CYP26C1: variants seen among roughly 807,000 people sequenced by gnomAD.
The protein encoded by CYP26C1 is cytochrome P450 26C1.
CYP26C1 carries 41 observed loss-of-function variants against 39.1 expected under a neutral mutation model. The ratio of observed to expected loss-of-function variants is 1.05; its 90% CI spans 0.82 to 1.36. The LOEUF is 1.36. Among genes scored for constraint, CYP26C1 ranks in the 40% most tolerant of loss-of-function variants. The probability of loss-of-function intolerance (pLI) is 0.00; values close to 1 mark genes in which losing one functional copy is unlikely to be tolerated. For missense variants in CYP26C1, 833 were observed against 752.0 expected, an observed-to-expected ratio of 1.11 and a Z score of -1.26; for synonymous variants, 362 against 350.8, an observed-to-expected ratio of 1.03 and a Z score of -0.36.
chr10:93,066,194 G>A lies in CYP26C1; in HGVS notation c.1100G>A (p.Arg367His). 2 of 1,472,962 alleles carry A rather than the reference G, an allele frequency of 1.4e-6. No individual in the cohort carries two copies. The highest frequency in any genetic ancestry group is 1.4e-5 in the South Asian group (1 of 72,854). 91.2% of individuals were successfully genotyped at this position (1,472,962 alleles called of 1,614,324 possible). Residue 367 changes from arginine to histidine, a missense_variant, in exon 5 of 6, where the codon CGC (arginine) becomes CAC (histidine). Arg to His is a conservative substitution (Grantham distance 29). Coordinates refer to ENST00000651965, the MANE Select transcript of CYP26C1 (RefSeq NM_183374.3). ...DLSLAALGRL[R>H]YVDCVVKEVL... ...AGCCTCGCGGCGCTGGGCCGTCTGCGCTACGTCGACTGCGTGGTCAAGGAG... is the reference window on the plus strand; with the variant it reads ...AGCCTCGCGGCGCTGGGCCGTCTGCACTACGTCGACTGCGTGGTCAAGGAG...
In CYP26C1 at chr10:93,060,866, G is replaced by A. The variant is rs539554085; in HGVS notation, c.-398G>A. 9.8e-5 allele frequency: 24 copies of A among 244,190 alleles called. No individual in the cohort carries two copies. Among genetic ancestry groups the A allele is most frequent in the Non-Finnish European group, 1.7e-4 (22 of 126,796 alleles). The allele number at this position is 244,190 out of a possible 1,614,324, so 15.1% of individuals were successfully genotyped here. A position where few individuals can be genotyped will look rare whatever the true frequency, so the allele number is the denominator to read the frequency against. ...CAGACCAGGTTGGCAACACTGGTGAGTTGCTCTTCTTTCGCCCTCCTTCCC... is the reference window on the plus strand; with the variant it reads ...CAGACCAGGTTGGCAACACTGGTGAATTGCTCTTCTTTCGCCCTCCTTCCC... On this transcript the variant is annotated 5_prime_UTR_variant, in exon 1 of 6. Coordinates refer to ENST00000651965, the MANE Select transcript of CYP26C1 (RefSeq NM_183374.3).
In CYP26C1 at chr10:93,066,117, C is replaced by A. The variant is rs1235069090; in HGVS notation, c.1023C>A (p.Ala341=). ...GCGCGTGCGGCTGCGCGCCCGGGGC[C>A]GCTGGGGGCAGCGAGGGGCCCCCGC... ...LGRACGCAPG[A]AGGSEGPPPD... Residue 341 remains alanine, a synonymous_variant, in exon 5 of 6, where the codon GCC becomes GCA. Coordinates refer to ENST00000651965, the MANE Select transcript of CYP26C1 (RefSeq NM_183374.3). 3 of 1,324,224 alleles carry A rather than the reference C, an allele frequency of 2.3e-6. No homozygotes were observed. The highest frequency in any genetic ancestry group is 2.9e-6 in the Non-Finnish European group (3 of 1,043,418). 82.0% of individuals were successfully genotyped at this position (1,324,224 alleles called of 1,614,324 possible).
In CYP26C1 at chr10:93,066,245, C is replaced by G; in HGVS notation, c.1151C>G (p.Ser384Cys). ...GTGCTGCGCCTCCTGCCGCCAGTGT[C>G]CGGGGGCTACCGCACCGCCCTGCGC... is the stretch of plus-strand genomic sequence containing the variant. Reference protein sequence around the residue: ...KEVLRLLPPVSGGYRTALRTF... With the variant: ...KEVLRLLPPVCGGYRTALRTF... The change falls in exon 5 of 6, where the codon TCC becomes TGC. Residue 384 changes from serine (S) to cysteine (C), a missense_variant. Coordinates refer to ENST00000651965, the MANE Select transcript of CYP26C1 (RefSeq NM_183374.3). 6.8e-7 allele frequency: 1 copy of G among 1,466,108 alleles called. No individual in the cohort carries two copies. The highest frequency in any genetic ancestry group is 9.0e-7 in the Non-Finnish European group (1 of 1,111,960). The allele number at this position is 1,466,108 out of a possible 1,614,324, so 90.8% of individuals were successfully genotyped here.
chr10:93,065,351 C>T (rs55661575), intron 4 of CYP26C1, among the ~76,000 whole-genome samples: 13,441 of 152,276 alleles, frequency 0.088, 641 homozygotes, highest in Admixed American at 0.15. Context: ...CAGAGCAGAC[C>T]AAGAAGACAT....
chr10:93,061,613 C>T, intron 1 of CYP26C1, 146 bp downstream of exon 1: 2 of 798,736 alleles, frequency 2.5e-6, no homozygotes, highest in Non-Finnish European at 3.7e-6. Flanking sequence ...CAACTCTCGC[C>T]TTTACCTAGA....
At position 93,062,142 on chromosome 10, in the gene CYP26C1, G is replaced by T; in HGVS notation, c.337G>T (p.Val113Leu). Residue 113 changes from valine (V) to leucine (L), a missense_variant, in exon 2 of 6, where the codon GTG becomes TTG. By Grantham distance (32) the Val-to-Leu change is conservative. Coordinates refer to ENST00000651965, the MANE Select transcript of CYP26C1 (RefSeq NM_183374.3). ...CATCCTGCTGGGCGAGCACCGCCTG[G>T]TGCGCAGCCAGTGGCCGCAGAGTGC... is the stretch of plus-strand genomic sequence containing the variant. ...RTILLGEHRL[V>L]RSQWPQSAHI... 6.5e-7 allele frequency: 1 copy of T among 1,545,084 alleles called. No homozygotes were observed. Among genetic ancestry groups the T allele is most frequent in the South Asian group, 1.2e-5 (1 of 84,074 alleles).
In CYP26C1 at chr10:93,068,451, G is replaced by A; in HGVS notation, c.1323G>A (p.Arg441=). The A allele has an allele frequency of 6.2e-7, 1 of 1,611,878 alleles. No individual in the cohort carries two copies. Among genetic ancestry groups the A allele is most frequent in the East Asian group, 2.2e-5 (1 of 44,852 alleles). ...ERFGAAREDS[R]GASSRFHYIP... ...TCGGCGCAGCGCGCGAAGATTCCCG[G>A]GGCGCCTCCAGCCGCTTCCATTACA... Residue 441 remains arginine (R), a synonymous_variant, in exon 6 of 6, where the codon CGG becomes CGA. Transcript: ENST00000651965.
At chr10:93,066,980 G>A (rs1846838072) in intron 5 of CYP26C1, among the ~76,000 whole-genome samples, 1 of 152,258 alleles carries the variant, frequency 6.6e-6, no homozygotes, top group South Asian at 2.1e-4. Flanking sequence ...GGGTACAGTG[G>A]TGGCCTCAGG....
Position 93,064,390 on chromosome 10 carries a change from G to C in CYP26C1, c.715G>C (p.Ala239Pro). ...TCTCCCTGAACATCAGGGCATCCGG[G>C]CAAGGGACCAGCTGCATCGGCACCT... ...PFSGLRKGIR[A>P]RDQLHRHLEG... Residue 239 changes from alanine (A) to proline (P), a missense_variant, in exon 4 of 6, where the codon GCA becomes CCA. Physicochemically the swap from Ala to Pro is conservative, Grantham distance 27 (BLOSUM62 -1). Transcript: ENST00000651965. The C allele has an allele frequency of 6.2e-7, 1 of 1,613,608 alleles. No homozygotes were observed. Among genetic ancestry groups the C allele is most frequent in the East Asian group, 2.2e-5 (1 of 44,870 alleles).
intron 4 of CYP26C1, among the ~76,000 whole-genome samples, chr10:93,065,139 C>A (rs1000488109): frequency 6.6e-6 from 1 of 152,018 alleles, no homozygotes; most frequent in African/African-American, 2.4e-5. Context: ...CTTGAGCACC[C>A]AAAAAGGAGT....
chr10:93,062,201 T>G lies in CYP26C1; in HGVS notation c.396T>G (p.Gly132=). 3 of 1,527,598 alleles carry G rather than the reference T, an allele frequency of 2.0e-6. No homozygotes were observed. Among genetic ancestry groups the G allele is most frequent in the Non-Finnish European group, 2.6e-6 (3 of 1,141,166 alleles). The allele number at this position is 1,527,598 out of a possible 1,614,324, so 94.6% of individuals were successfully genotyped here. Reference sequence around the variant, plus strand: ...TGCTGGGCTCGCACACACTGCTAGGTGCGGTCGGCGAGCCGCACCGGCGGC... The same window carrying G: ...TGCTGGGCTCGCACACACTGCTAGGGGCGGTCGGCGAGCCGCACCGGCGGC... The part of the protein sequence containing the change: ...HILLGSHTLL[G]AVGEPHRRRR... The change falls in exon 2 of 6, where the codon GGT becomes GGG. Residue 132 remains glycine (G), a synonymous_variant. Coordinates refer to ENST00000651965, the MANE Select transcript of CYP26C1 (RefSeq NM_183374.3).
chr10:93,061,096 T>C lies in CYP26C1; in HGVS notation c.-168T>C, dbSNP rs1846739804. The C allele has an allele frequency of 1.2e-5, 8 of 684,374 alleles. No homozygotes were observed. The East Asian group carries it at 2.3e-4, about 20-fold the overall frequency. 42.4% of individuals were successfully genotyped at this position (684,374 alleles called of 1,614,324 possible). A position where few individuals can be genotyped will look rare whatever the true frequency, so the allele number is the denominator to read the frequency against. On this transcript the variant is annotated 5_prime_UTR_variant, in exon 1 of 6. Coordinates refer to ENST00000651965, the MANE Select transcript of CYP26C1 (RefSeq NM_183374.3). ...TCACTGCAGTCTTTCACCGTCCGTC[T>C]GTTTTTAGAACAGAGTTCTGGCCTG... is the stretch of plus-strand genomic sequence containing the variant.
At position 93,061,285 on chromosome 10, in the gene CYP26C1, T is replaced by G. The variant is rs1377719266; in HGVS notation, c.22T>G (p.Cys8Gly). The change falls in exon 1 of 6, where the codon TGC becomes GGC. Residue 8 changes from cysteine (C) to glycine (G), a missense_variant. By Grantham distance (159) the Cys-to-Gly change is radical. Coordinates refer to ENST00000651965, the MANE Select transcript of CYP26C1 (RefSeq NM_183374.3). Reference protein sequence around the residue: MFPWGLSCLSVLGAAGTA... With the variant: MFPWGLSGLSVLGAAGTA... ...CATCATGTTCCCTTGGGGGCTGAGC[T>G]GCCTGTCAGTGCTGGGGGCGGCGGG... 2 of 1,590,650 alleles carry G rather than the reference T, an allele frequency of 1.3e-6. No homozygotes were observed. The highest frequency in any genetic ancestry group is 2.7e-5 in the African/African-American group (2 of 74,648).
chr10:93,066,960 C>T (rs1846837758), intron 5 of CYP26C1, among the ~76,000 whole-genome samples: 1 of 152,208 alleles, frequency 6.6e-6, no homozygotes, highest in Non-Finnish European at 1.5e-5. Flanking sequence ...CAGGTGGGTC[C>T]GGGCTGTGGG....
Sources: allele counts gnomAD v4.1 joint callset (sites outside exome capture counted in the v4.1 genomes callset), GRCh38; gene constraint gnomAD v4.1.1; transcripts MANE v1.5; gene names NCBI Gene and HGNC (gene_info 2026-07-23, HGNC 2026-07-21).